The following AMZ1 variants were observed in gnomAD, a reference collection of about 807,000 sequenced individuals.
AMZ1 encodes the protein archaemetzincin-1.
Under a neutral mutation model 29.9 loss-of-function variants are expected in AMZ1, and 39 were observed. The observed-to-expected ratio is 1.30, with a 90% CI of 1.01 to 1.70. The LOEUF (loss-of-function observed/expected upper bound fraction) is 1.70, where lower values mean the gene tolerates loss of function less well. AMZ1 is among the 40% of genes most tolerant of loss of function. The pLI is 0.00. For missense variants in AMZ1, 1,041 were observed against 680.6 expected, an observed-to-expected ratio of 1.53 and a Z score of -5.89; for synonymous variants, 458 against 304.0, an observed-to-expected ratio of 1.51 and a Z score of -5.27.
chr7:2,685,285 C>T (rs551725694), upstream of AMZ1, among the ~76,000 whole-genome samples: 3 of 150,338 alleles, frequency 2.0e-5, no homozygotes, highest in Non-Finnish European at 3.0e-5. Flanking sequence ...AGGCCAGGCT[C>T]GGTGGCTCAC....
chr7:2,706,670 C>A (rs1788371334), intron 3 of AMZ1, among the ~76,000 whole-genome samples: 1 of 152,210 alleles, frequency 6.6e-6, no homozygotes, highest in South Asian at 2.1e-4. Flanking sequence ...CTCTGCGTCT[C>A]TTCTAAGACT....
downstream of AMZ1, among the ~76,000 whole-genome samples, chr7:2,720,703 T>TTA (rs1554252455): frequency 3.4e-5 from 5 of 147,952 alleles, no homozygotes; most frequent in Admixed American, 6.7e-5. Flanking sequence ...GCCCAGCCTT[T>TTA]AAAAAAAAAA....
intron 4 of AMZ1, among the ~76,000 whole-genome samples, chr7:2,739,125 T>A (rs1790369482): frequency 6.6e-6 from 1 of 152,230 alleles, no homozygotes; most frequent in African/African-American, 2.4e-5. Flanking sequence ...GCCGGGCCCC[T>A]AAAGCACCAG....
At chr7:2,680,455 C>T (rs59466205) in intron 1 of AMZ1, among the ~76,000 whole-genome samples, 9,508 of 152,212 alleles carry the variant, frequency 0.062, 1,026 homozygotes, top group African/African-American at 0.22. Context: ...GACATGCAGC[C>T]GCCCTGGGCC....
At chr7:2,682,835 C>T (rs1205634395) in intron 1 of AMZ1, among the ~76,000 whole-genome samples, 2 of 152,128 alleles carry the variant, frequency 1.3e-5, no homozygotes, top group Admixed American at 1.3e-4. Context: ...CAGATCCCTG[C>T]AGGCATTCTG....
chr7:2,726,118 AGCACATGTGAT>A lies in AMZ1; in HGVS notation n.550+16307_550+16317del, dbSNP rs1316384360. Among the ~76,000 whole-genome samples the A allele has an allele frequency of 2.0e-5, 3 of 152,266 alleles. No homozygotes were observed. The South Asian group carries it at 6.2e-4, about 32-fold the overall frequency. On this transcript the variant is annotated intron_variant and non_coding_transcript_variant, in intron 4 of 4. Coordinates refer to the AMZ1 transcript ENST00000489665. Reference sequence around the variant, plus strand: ...CAATCATTTCGGAAAGAGACTGCTAAGCACATGTGATGCACCTTACAGAGAAATGGCACTAC... The same window carrying A: ...CAATCATTTCGGAAAGAGACTGCTAAGCACCTTACAGAGAAATGGCACTAC...
intron 3 of AMZ1, among the ~76,000 whole-genome samples, chr7:2,708,343 G>A (rs539066563): frequency 5.3e-5 from 8 of 152,214 alleles, no homozygotes; most frequent in East Asian, 3.9e-4. Context: ...CCTCTCCAGC[G>A]TCCCCACTGG....
intron 5 of AMZ1, 100 bp downstream of exon 5, chr7:2,709,344 G>A: frequency 8.0e-7 from 1 of 1,251,672 alleles, no homozygotes; most frequent in South Asian, 1.6e-5. Context: ...ACAGTGAAGT[G>A]GATGGACCCC....
intron 5 of AMZ1, 27 bp downstream of exon 5, chr7:2,709,271 G>T: frequency 6.8e-7 from 1 of 1,478,302 alleles, no homozygotes; most frequent in Non-Finnish European, 8.9e-7. Flanking sequence ...GGGCTGGTAA[G>T]AGGGGACAGG....
At chr7:2,710,415 A>G (rs1157462145) in intron 6 of AMZ1, among the ~76,000 whole-genome samples, 1 of 152,218 alleles carries the variant, frequency 6.6e-6, no homozygotes, top group South Asian at 2.1e-4. Flanking sequence ...TTGGACTACA[A>G]CCAGTTATAA....
chr7:2,712,384 G>C lies in AMZ1; in HGVS notation c.1003G>C (p.Gly335Arg). ...VVGTWPSQEA[G>R]EPSVWEDTPP... is the part of the protein sequence containing the mutation. Reference sequence around the variant, plus strand: ...GGGGACGTGGCCCAGCCAGGAGGCGGGGGAGCCGTCAGTGTGGGAGGACAC... The same window carrying C: ...GGGGACGTGGCCCAGCCAGGAGGCGCGGGAGCCGTCAGTGTGGGAGGACAC... Residue 335 changes from glycine (G) to arginine (R), a missense_variant, in exon 7 of 7, where the codon GGG becomes CGG. Gly to Arg is a moderately radical substitution (Grantham distance 125). Transcript: ENST00000683327. The C allele has an allele frequency of 6.2e-7, 1 of 1,608,922 alleles. No individual in the cohort carries two copies. The highest frequency in any genetic ancestry group is 8.5e-7 in the Non-Finnish European group (1 of 1,177,874).
At chr7:2,746,491 C>T (rs1790769918) in intron 4 of AMZ1, among the ~76,000 whole-genome samples, 1 of 151,994 alleles carries the variant, frequency 6.6e-6, no homozygotes, top group Non-Finnish European at 1.5e-5. Flanking sequence ...ACACAACATA[C>T]CAGAATCTCT....
intron 4 of AMZ1, among the ~76,000 whole-genome samples, 159 bp downstream of exon 4, chr7:2,708,875 G>C (rs1030807350): frequency 7.2e-5 from 11 of 152,212 alleles, no homozygotes; most frequent in African/African-American, 2.7e-4. Context: ...AGCTCCTCCT[G>C]AGGAATGGCA....
intron 4 of AMZ1, among the ~76,000 whole-genome samples, chr7:2,725,698 G>C (rs1301728074): frequency 3.3e-5 from 5 of 152,224 alleles, no homozygotes; most frequent in Non-Finnish European, 7.3e-5. Context: ...CGTAGACTCT[G>C]CCTCTCCCTG....
At chr7:2,712,127 G>A (rs531610633) in intron 6 of AMZ1, among the ~76,000 whole-genome samples, 122 of 152,288 alleles carry the variant, frequency 8.0e-4, no homozygotes, top group African/African-American at 2.9e-3. Flanking sequence ...GCTCTTGGGG[G>A]TGGGTACCTC....
At chr7:2,680,913 G>A (rs146692804) in intron 1 of AMZ1, among the ~76,000 whole-genome samples, 2 of 152,366 alleles carry the variant, frequency 1.3e-5, no homozygotes, top group East Asian at 1.9e-4. Flanking sequence ...CTGGGTAGGC[G>A]CCTGGCCAAG....
At chr7:2,688,647 G>C (rs544574753) in intron 1 of AMZ1, among the ~76,000 whole-genome samples, 1 of 152,288 alleles carries the variant, frequency 6.6e-6, no homozygotes, top group South Asian at 2.1e-4. Context: ...GGGAATCCAG[G>C]GCCAAGCGCC....
chr7:2,707,887 G>C (rs1332638460), intron 3 of AMZ1, among the ~76,000 whole-genome samples: 1 of 144,024 alleles, frequency 6.9e-6, no homozygotes, highest in Non-Finnish European at 1.5e-5. Flanking sequence ...GCAGTGGCGT[G>C]ATGTCAGCTC....
chr7:2,695,953 G>A (rs1404760558), intron 1 of AMZ1, among the ~76,000 whole-genome samples: 1 of 150,768 alleles, frequency 6.6e-6, no homozygotes, highest in Non-Finnish European at 1.5e-5. Flanking sequence ...AGGTTGCAGT[G>A]AGCTGAGATA....
Sources: allele counts gnomAD v4.1 joint callset (sites outside exome capture counted in the v4.1 genomes callset), GRCh38; gene constraint gnomAD v4.1.1; transcripts MANE v1.5; gene names NCBI Gene and HGNC (gene_info 2026-07-23, HGNC 2026-07-21).